Variants in RRAS2 observed in about 807,000 individuals in gnomAD.
The protein encoded by RRAS2 is ras-related protein R-Ras2.
In RRAS2, 7 loss-of-function variants were observed where a neutral mutation model predicts 27.6. The observed-to-expected ratio is 0.25, with a 90% confidence interval of 0.14 to 0.48. The LOEUF (loss-of-function observed/expected upper bound fraction) is 0.48. Among genes scored for constraint, RRAS2 ranks in the 20% least tolerant of loss-of-function variants. The probability of loss-of-function intolerance (pLI) is 0.99; values close to 1 mark genes in which losing one functional copy is unlikely to be tolerated. For synonymous variants in RRAS2, 86 were observed against 90.9 expected (o/e 0.95, Z 0.31); for missense variants, 178 against 256.2 (o/e 0.69, Z 2.08).
intron 1 of RRAS2, among the ~76,000 whole-genome samples, chr11:14,307,236 C>CA (rs36070991): frequency 0.4 from 58,795 of 147,086 alleles, 11,785 homozygotes; most frequent in Admixed American, 0.49. Context: ...ACAACAACAA[C>CA]AAAAAAAAAG....
At chr11:14,353,340 A>G (rs890566204) in intron 1 of RRAS2, among the ~76,000 whole-genome samples, 1 of 152,078 alleles carries the variant, frequency 6.6e-6, no homozygotes, top group South Asian at 2.1e-4. Flanking sequence ...TCGGCCAGGC[A>G]TGGTGCAGGC....
At chr11:14,288,449 A>G (rs1464947676) in intron 4 of RRAS2, among the ~76,000 whole-genome samples, 1 of 152,216 alleles carries the variant, frequency 6.6e-6, no homozygotes, top group African/African-American at 2.4e-5. Flanking sequence ...GCAAACAATA[A>G]AAGACAAAAA....
rs77470048 is a variant in RRAS2, at chr11:14,298,199, T to C, written c.109-2344A>G. Among the ~76,000 whole-genome samples, 828 of 152,338 alleles carry C rather than the reference T, an allele frequency of 5.4e-3. 24 individuals are homozygous for C. Among genetic ancestry groups the C allele is most frequent in the Admixed American group, 0.039 (604 of 15,302 alleles). On this transcript the variant is annotated intron_variant, in intron 1 of 5. Coordinates refer to ENST00000256196, the MANE Select transcript of RRAS2 (RefSeq NM_012250.6). ...TCATTTCTTGAAACATGTTTCCCCA[T>C]ATGCCATGCTTTTATATCTTGTAAA...
At chr11:14,310,912 C>A (rs1847949467) in intron 1 of RRAS2, among the ~76,000 whole-genome samples, 1 of 152,220 alleles carries the variant, frequency 6.6e-6, no homozygotes, top group Admixed American at 6.5e-5. Flanking sequence ...CAGACAGGTT[C>A]TGATACTTCC....
Position 14,358,873 on chromosome 11 carries a change from G to T in RRAS2, c.-3C>A. On this transcript the variant is annotated 5_prime_UTR_variant, in exon 1 of 6. Transcript: ENST00000256196. The surrounding 1 kb of genome is among the most constrained non-coding windows in gnomAD (Gnocchi z 5.1). ...TCCCGCCAGCCGGCCGCGGCCATGG[G>T]GACGCTACAGAGCCCAGCCTGACTG... 2 of 1,457,150 alleles carry T rather than the reference G, an allele frequency of 1.4e-6. No individual in the cohort carries two copies. The highest frequency in any genetic ancestry group is 1.8e-6 in the Non-Finnish European group (2 of 1,096,562). 90.3% of individuals were successfully genotyped at this position (1,457,150 alleles called of 1,614,324 possible).
chr11:14,336,605 G>A (rs1226866028), intron 1 of RRAS2, among the ~76,000 whole-genome samples: 1 of 152,146 alleles, frequency 6.6e-6, no homozygotes, highest in Admixed American at 6.5e-5. Flanking sequence ...AGAGCTCAGT[G>A]GATGGTCTTA....
intron 1 of RRAS2, among the ~76,000 whole-genome samples, chr11:14,344,687 A>C (rs1554953855): frequency 6.6e-6 from 1 of 152,188 alleles, no homozygotes; most frequent in African/African-American, 2.4e-5. Context: ...AAAAGTTACA[A>C]CTTTTAAGAC....
At chr11:14,279,832 G>GTCTAAT (rs1849473538) in intron 5 of RRAS2, among the ~76,000 whole-genome samples, 1 of 152,170 alleles carries the variant, frequency 6.6e-6, no homozygotes, top group African/African-American at 2.4e-5. Context: ...AAAGTTAGTT[G>GTCTAAT]ACCTAGTCTG....
At chr11:14,344,274 C>T (rs1000836255) in intron 1 of RRAS2, among the ~76,000 whole-genome samples, 1 of 152,122 alleles carries the variant, frequency 6.6e-6, no homozygotes, top group Non-Finnish European at 1.5e-5. Flanking sequence ...ATCTGCAACT[C>T]GTCATTAAAT....
intron 1 of RRAS2, among the ~76,000 whole-genome samples, chr11:14,333,246 A>G (rs1005850589): frequency 7.2e-5 from 11 of 152,194 alleles, no homozygotes; most frequent in Non-Finnish European, 1.6e-4. Flanking sequence ...GTATATCACT[A>G]TTATAAGTCA....
At chr11:14,352,674 G>A (rs200618214) in intron 1 of RRAS2, among the ~76,000 whole-genome samples, 396 of 904 alleles carry the variant, frequency 0.44, 13 homozygotes, top group East Asian at 0.51. Context: ...AAAAAAAGGC[G>A]TGTCAAGTGG....
intron 1 of RRAS2, among the ~76,000 whole-genome samples, chr11:14,338,523 G>C (rs1326929223): frequency 1.3e-5 from 2 of 152,146 alleles, no homozygotes; most frequent in African/African-American, 2.4e-5. Context: ...ATGAAACAAA[G>C]TTTGTGTACT....
intron 1 of RRAS2, among the ~76,000 whole-genome samples, chr11:14,327,295 G>T (rs1394869411): frequency 1.3e-5 from 2 of 152,170 alleles, no homozygotes; most frequent in Non-Finnish European, 2.9e-5. Flanking sequence ...AATAAAAATA[G>T]CTGAAGAGAG....
intron 1 of RRAS2, among the ~76,000 whole-genome samples, chr11:14,342,987 G>C (rs1221464431): frequency 6.6e-6 from 1 of 152,142 alleles, no homozygotes; most frequent in Non-Finnish European, 1.5e-5. Flanking sequence ...ATAATGTATA[G>C]AATATTACAA....
chr11:14,300,267 C>T (rs567645866), intron 1 of RRAS2, among the ~76,000 whole-genome samples: 26 of 152,230 alleles, frequency 1.7e-4, no homozygotes, highest in African/African-American at 6.0e-4. Context: ...CATGCCTTCC[C>T]GGTAGTATGG....
At chr11:14,337,865 G>C (rs565283411) in intron 1 of RRAS2, among the ~76,000 whole-genome samples, 1 of 152,084 alleles carries the variant, frequency 6.6e-6, no homozygotes, top group Non-Finnish European at 1.5e-5. Flanking sequence ...GAAAACCAAA[G>C]AGAATGTATT....
At chr11:14,330,078 G>A (rs1216986499) in intron 1 of RRAS2, among the ~76,000 whole-genome samples, 4 of 151,960 alleles carry the variant, frequency 2.6e-5, no homozygotes, top group Non-Finnish European at 5.9e-5. Context: ...CTATCTCTTA[G>A]AAACAATGAA....
chr11:14,348,681 T>A (rs1848887579), intron 1 of RRAS2, among the ~76,000 whole-genome samples: 1 of 152,214 alleles, frequency 6.6e-6, no homozygotes, highest in African/African-American at 2.4e-5. Flanking sequence ...AATATCCCCA[T>A]CATTTTACCT....
At chr11:14,339,542 T>C (rs1237250088) in intron 1 of RRAS2, among the ~76,000 whole-genome samples, 2 of 152,158 alleles carry the variant, frequency 1.3e-5, no homozygotes, top group East Asian at 1.9e-4. Context: ...ACTTAGCACT[T>C]CCTCTATAAA....
Sources: allele counts gnomAD v4.1 joint callset (sites outside exome capture counted in the v4.1 genomes callset), GRCh38; gene constraint gnomAD v4.1.1; non-coding constraint Gnocchi (gnomAD v3.1); transcripts MANE v1.5; gene names NCBI Gene and HGNC (gene_info 2026-07-23, HGNC 2026-07-21).